SRF: variants seen among roughly 807,000 people sequenced by gnomAD.
SRF encodes c-fos serum response element-binding transcription factor.
SRF carries 7 observed loss-of-function variants against 37.1 expected under a neutral mutation model. That is an observed-to-expected ratio of 0.19 (90% CI 0.11 to 0.35). The LOEUF (loss-of-function observed/expected upper bound fraction) is 0.35. Among genes scored for constraint, SRF ranks in the 10% least tolerant of loss-of-function variants. SRF has a pLI of 1.00. For missense variants in SRF, 395 were observed against 694.4 expected, an observed-to-expected ratio of 0.57 and a Z score of 4.85; for synonymous variants, 285 against 310.1, an observed-to-expected ratio of 0.92 and a Z score of 0.85.
chr6:43,178,979 GC>G lies in SRF; in HGVS notation c.1431+99del. 1 of 1,565,558 alleles carries G rather than the reference GC, an allele frequency of 6.4e-7. No homozygotes were observed. Among genetic ancestry groups the G allele is most frequent in the Non-Finnish European group, 8.8e-7 (1 of 1,136,570 alleles). On this transcript the variant is annotated intron_variant, in intron 6 of 6. Coordinates refer to ENST00000265354, the MANE Select transcript of SRF (RefSeq NM_003131.4). The surrounding 1 kb of genome is among the most constrained non-coding windows in gnomAD (Gnocchi z 4.3). Reference sequence around the variant, plus strand: ...CAGTTCATCAAAGCCAAAATCCCTAGCCTGGAAGCCCATCTGCTTTTCTGCT... The same window carrying G: ...CAGTTCATCAAAGCCAAAATCCCTAGCTGGAAGCCCATCTGCTTTTCTGCT...
In SRF at chr6:43,173,838, A is replaced by G. The variant is rs1772149972; in HGVS notation, c.514-9A>G. 3 of 1,608,980 alleles carry G rather than the reference A, an allele frequency of 1.9e-6. No individual in the cohort carries two copies. In the South Asian group the frequency reaches 3.3e-5, roughly 18 times the overall value. On this transcript the variant is annotated splice_polypyrimidine_tract_variant and intron_variant, in intron 1 of 6. Coordinates refer to ENST00000265354, the MANE Select transcript of SRF (RefSeq NM_003131.4). This position sits in a 1 kb window ranked among gnomAD's most constrained non-coding sequence, Gnocchi z 4.2. ...TGCTGACCTGCCCATCTCCCTCCTC[A>G]CCCCTCAGGCCTATGAGCTGTCCAC...
At position 43,171,482 on chromosome 6, in the gene SRF, A is replaced by G; in HGVS notation, c.-175A>G. ...CCCGGGCCACAGGGGCAGGAAAGTG[A>G]GGGCCCAGGTCGGCCCGGGCGTGCA... On this transcript the variant is annotated 5_prime_UTR_variant, in exon 1 of 7. Coordinates refer to ENST00000265354, the MANE Select transcript of SRF (RefSeq NM_003131.4). This position sits in a 1 kb window ranked among gnomAD's most constrained non-coding sequence, Gnocchi z 6.5. The G allele has an allele frequency of 1.7e-6, 1 of 590,528 alleles. No individual in the cohort carries two copies. Among genetic ancestry groups the G allele is most frequent in the Non-Finnish European group, 2.4e-6 (1 of 423,252 alleles). The allele number at this position is 590,528 out of a possible 1,614,324, so 36.6% of individuals were successfully genotyped here.
intron 2 of SRF, among the ~76,000 whole-genome samples, chr6:43,174,711 C>T (rs959721928): frequency 2.6e-5 from 4 of 152,356 alleles, no homozygotes; most frequent in Non-Finnish European, 5.9e-5. Context: ...TTCCGGGTGG[C>T]ACTTAACTGA....
intron 2 of SRF, among the ~76,000 whole-genome samples, chr6:43,174,687 T>C (rs983311867): frequency 6.6e-6 from 1 of 152,208 alleles, no homozygotes; most frequent in African/African-American, 2.4e-5. Flanking sequence ...CCTTGCTGTC[T>C]GGGGAGCTCC....
chr6:43,173,174 G>C lies in SRF; in HGVS notation c.514-673G>C, dbSNP rs953078206. 6.6e-6 allele frequency among the ~76,000 whole-genome samples: 1 copy of C among 152,146 alleles called. No individual in the cohort carries two copies. Among genetic ancestry groups the C allele is most frequent in the Non-Finnish European group, 1.5e-5 (1 of 68,024 alleles). On this transcript the variant is annotated intron_variant, in intron 1 of 6. Transcript: ENST00000265354. The surrounding 1 kb of genome is among the most constrained non-coding windows in gnomAD (Gnocchi z 4.2). ...TCCTGGGCTCATGGCAGGATGTTTA[G>C]TGCTAATCTAGGTCTCGTCTCCCAT...
Position 43,178,924 on chromosome 6 carries a change from C to T in SRF, c.1431+42C>T. The T allele has an allele frequency of 3.7e-6, 6 of 1,605,046 alleles. No individual in the cohort carries two copies. Among genetic ancestry groups the T allele is most frequent in the Non-Finnish European group, 5.1e-6 (6 of 1,171,746 alleles). On this transcript the variant is annotated intron_variant, in intron 6 of 6. Transcript: ENST00000265354. The surrounding 1 kb of genome is among the most constrained non-coding windows in gnomAD (Gnocchi z 4.3). ...TTCACCCCATCCCAGATAGCCACTTCTTTGTCTTGACCTTAGGGGATCCTG... is the reference window on the plus strand; with the variant it reads ...TTCACCCCATCCCAGATAGCCACTTTTTTGTCTTGACCTTAGGGGATCCTG...
In SRF at chr6:43,178,461, T is replaced by C. The variant is rs759259114; in HGVS notation, c.1330T>C (p.Ser444Pro). Residue 444 changes from serine to proline, a missense_variant, in exon 5 of 7, where the codon TCA becomes CCA. This residue lies in a region of SRF where 232 missense variants were observed against 335.6 expected (regional missense o/e 0.69). Transcript: ENST00000265354. The surrounding 1 kb of genome is among the most constrained non-coding windows in gnomAD (Gnocchi z 4.3). ...CCAGGCACCATCCACCATGCAGGTG[T>C]CACACAGCCAGGTCCAGGAGCCAGG... ...FSQAPSTMQV[S>P]HSQVQEPGGV... The C allele has an allele frequency of 6.8e-6, 11 of 1,613,534 alleles. No individual in the cohort carries two copies. The South Asian group carries it at 1.2e-4, about 18-fold the overall frequency.
rs1296069919 is a variant in SRF at position 43,179,458 on chromosome 6, C to T, written c.*268C>T. On this transcript the variant is annotated 3_prime_UTR_variant, in exon 7 of 7. Coordinates refer to ENST00000265354, the MANE Select transcript of SRF (RefSeq NM_003131.4). The surrounding 1 kb of genome is among the most constrained non-coding windows in gnomAD (Gnocchi z 5.3). ...GTCCTCCTTCCTGGGACCCCCTCGC[C>T]AGCTTGGCTCGATGTTTGCCATGAG... 6 of 516,082 alleles carry T rather than the reference C, an allele frequency of 1.2e-5. No homozygotes were observed. Among genetic ancestry groups the T allele is most frequent in the Non-Finnish European group, 2.1e-5 (6 of 282,624 alleles). 32.0% of individuals were successfully genotyped at this position (516,082 alleles called of 1,614,324 possible). A position where few individuals can be genotyped will look rare whatever the true frequency, so the allele number is the denominator to read the frequency against.
chr6:43,176,434 G>T lies in SRF; in HGVS notation c.1043-114G>T. 2.7e-6 allele frequency: 4 copies of T among 1,501,320 alleles called. No individual in the cohort carries two copies. Among genetic ancestry groups the T allele is most frequent in the Non-Finnish European group, 3.6e-6 (4 of 1,103,802 alleles). The allele number at this position is 1,501,320 out of a possible 1,614,324, so 93.0% of individuals were successfully genotyped here. On this transcript the variant is annotated intron_variant, in intron 3 of 6. Coordinates refer to ENST00000265354, the MANE Select transcript of SRF (RefSeq NM_003131.4). This position sits in a 1 kb window ranked among gnomAD's most constrained non-coding sequence, Gnocchi z 4.0. ...GCCTCTTTGGCTTCCAGGAAAGATA[G>T]TGATGGGAGTTGGAGACCAGTGTGC... is the stretch of plus-strand genomic sequence containing the variant.
rs1450336523 is a variant in SRF at position 43,176,474 on chromosome 6, G to A, written c.1043-74G>A. 1 of 1,586,874 alleles carries A rather than the reference G, an allele frequency of 6.3e-7. No individual in the cohort carries two copies. The highest frequency in any genetic ancestry group is 1.3e-5 in the African/African-American group (1 of 74,488). On this transcript the variant is annotated intron_variant, in intron 3 of 6. Transcript: ENST00000265354. The surrounding 1 kb of genome is among the most constrained non-coding windows in gnomAD (Gnocchi z 4.0). Reference sequence around the variant, plus strand: ...GACCAGTGTGCCAGACCCTGGGACTGGGGTGTCCATGGGTACTTGGTGGAG... The same window carrying A: ...GACCAGTGTGCCAGACCCTGGGACTAGGGTGTCCATGGGTACTTGGTGGAG...
rs1772202020 is a variant in SRF, at chr6:43,176,588, A to G, written c.1083A>G (p.Gln361=). The G allele has an allele frequency of 6.2e-7, 1 of 1,614,148 alleles. No individual in the cohort carries two copies. The highest frequency in any genetic ancestry group is 2.2e-5 in the East Asian group (1 of 44,882). Reference sequence around the variant, plus strand: ...AGCAGGTCCCAGTGCAGGCCATTCAAGTGCACCAGGCCCCACAGCAAGCGT... The same window carrying G: ...AGCAGGTCCCAGTGCAGGCCATTCAGGTGCACCAGGCCCCACAGCAAGCGT... The part of the protein sequence containing the change: ...VAQQVPVQAI[Q]VHQAPQQASP... Residue 361 remains glutamine, a synonymous_variant, in exon 4 of 7, where the codon CAA becomes CAG. Transcript: ENST00000265354. The surrounding 1 kb of genome is among the most constrained non-coding windows in gnomAD (Gnocchi z 4.0).
Position 43,171,429 on chromosome 6 carries a change from A to C in SRF, c.-228A>C. On this transcript the variant is annotated 5_prime_UTR_variant, in exon 1 of 7. Coordinates refer to ENST00000265354, the MANE Select transcript of SRF (RefSeq NM_003131.4). This position sits in a 1 kb window ranked among gnomAD's most constrained non-coding sequence, Gnocchi z 6.5. ...CGGCGCGCCGCCCTAGCAGACGGACAGGGGGCGCTGCGCGCGGCCTGGGGC... is the reference window on the plus strand; with the variant it reads ...CGGCGCGCCGCCCTAGCAGACGGACCGGGGGCGCTGCGCGCGGCCTGGGGC... The C allele has an allele frequency of 3.5e-6, 1 of 286,746 alleles. No homozygotes were observed. Among genetic ancestry groups the C allele is most frequent in the Non-Finnish European group, 6.1e-6 (1 of 163,874 alleles). The allele number at this position is 286,746 out of a possible 1,614,324, so 17.8% of individuals were successfully genotyped here. A position where few individuals can be genotyped will look rare whatever the true frequency, so the allele number is the denominator to read the frequency against.
rs558711788 is a variant in SRF, at chr6:43,176,248, C to T, written c.1042+281C>T. Among the ~76,000 whole-genome samples, 7 of 152,286 alleles carry T rather than the reference C, an allele frequency of 4.6e-5. 1 individual carries two copies. The South Asian group carries it at 1.5e-3, about 32-fold the overall frequency. On this transcript the variant is annotated intron_variant, in intron 3 of 6. Transcript: ENST00000265354. This position sits in a 1 kb window ranked among gnomAD's most constrained non-coding sequence, Gnocchi z 4.0. ...TTGCCACAGGGCAGTAGATGTTTCA[C>T]CACTTCCTGCCTTGACTGGAAGGCA...
rs568709023 is a variant in SRF at position 43,171,803 on chromosome 6, G to T, written c.147G>T (p.Ala49=). ...ANGGRVPGNG[A]GLGPGRLERE... ...GGGGCCGGGTCCCCGGGAATGGCGC[G>T]GGGCTCGGGCCCGGCCGCCTGGAGC... is the stretch of plus-strand genomic sequence containing the variant. The change falls in exon 1 of 7, where the codon GCG becomes GCT. Residue 49 remains alanine (A), a synonymous_variant. Transcript: ENST00000265354. This position sits in a 1 kb window ranked among gnomAD's most constrained non-coding sequence, Gnocchi z 6.5. 15,741 of 1,222,482 alleles carry T rather than the reference G, an allele frequency of 0.013. 148 individuals are homozygous for T. The highest frequency in any genetic ancestry group is 0.014 in the Admixed American group (330 of 23,168). The allele number at this position is 1,222,482 out of a possible 1,614,324, so 75.7% of individuals were successfully genotyped here.
rs1456437827 is a variant in SRF, at chr6:43,176,938, G to A, written c.1162+271G>A. Among the ~76,000 whole-genome samples, 3 of 152,084 alleles carry A rather than the reference G, an allele frequency of 2.0e-5. No homozygotes were observed. The highest frequency in any genetic ancestry group is 4.4e-5 in the Non-Finnish European group (3 of 68,012). ...GGAGCCTGAGGCCTAGAAATAAGAA[G>A]TTACTTGCTCAAAGACACATTTGCT... On this transcript the variant is annotated intron_variant, in intron 4 of 6. Transcript: ENST00000265354. This position sits in a 1 kb window ranked among gnomAD's most constrained non-coding sequence, Gnocchi z 4.0.
chr6:43,176,980 C>T lies in SRF; in HGVS notation c.1162+313C>T, dbSNP rs767812888. Among the ~76,000 whole-genome samples, 1 of 152,126 alleles carries T rather than the reference C, an allele frequency of 6.6e-6. No individual in the cohort carries two copies. Among genetic ancestry groups the T allele is most frequent in the Non-Finnish European group, 1.5e-5 (1 of 68,028 alleles). On this transcript the variant is annotated intron_variant, in intron 4 of 6. Transcript: ENST00000265354. This position sits in a 1 kb window ranked among gnomAD's most constrained non-coding sequence, Gnocchi z 4.0. ...ACATTTGCTTAATTATCAGGAAGGA[C>T]TTAGAGAGCAATTTTCTCTTTGTGC...
Position 43,180,265 on chromosome 6 carries a change from T to G in SRF, c.*1075T>G, listed in dbSNP as rs1772286713. On this transcript the variant is annotated 3_prime_UTR_variant, in exon 7 of 7. Transcript: ENST00000265354. ...GAAGAGGGAGACCAAATGTCGGGGT[T>G]GGGGTGGGAGGGCGTCAGGCAGAGG... 6.8e-6 allele frequency: 1 copy of G among 146,778 alleles called. No individual in the cohort carries two copies. The highest frequency in any genetic ancestry group is 2.5e-5 in the African/African-American group (1 of 40,082). The allele number at this position is 146,778 out of a possible 1,614,324, so 9.1% of individuals were successfully genotyped here.
In SRF at chr6:43,172,772, G is replaced by A. The variant is rs1476161034; in HGVS notation, c.513+603G>A. On this transcript the variant is annotated intron_variant, in intron 1 of 6. Coordinates refer to ENST00000265354, the MANE Select transcript of SRF (RefSeq NM_003131.4). The surrounding 1 kb of genome is among the most constrained non-coding windows in gnomAD (Gnocchi z 5.7). ...CTGCGCCGGCCGTGAGTCTTCCATG[G>A]CATCCACTGGGAACCACATGCTCCT... 6.6e-6 allele frequency among the ~76,000 whole-genome samples: 1 copy of A among 152,132 alleles called. No individual in the cohort carries two copies. Among genetic ancestry groups the A allele is most frequent in the Non-Finnish European group, 1.5e-5 (1 of 68,018 alleles).
rs1772245271 is a variant in SRF, at chr6:43,178,428, G to A, written c.1297G>A (p.Ala433Thr). The A allele has an allele frequency of 2.5e-6, 4 of 1,614,132 alleles. No individual in the cohort carries two copies. Among genetic ancestry groups the A allele is most frequent in the Non-Finnish European group, 3.4e-6 (4 of 1,180,032 alleles). ...LGDGSLTVLN[A>T]FSQAPSTMQV... Reference sequence around the variant, plus strand: ...TGATGGCAGCCTCACCGTGCTGAATGCCTTCTCCCAGGCACCATCCACCAT... The same window carrying A: ...TGATGGCAGCCTCACCGTGCTGAATACCTTCTCCCAGGCACCATCCACCAT... The change falls in exon 5 of 7, where the codon GCC becomes ACC. Residue 433 changes from alanine to threonine, a missense_variant. Transcript: ENST00000265354. The surrounding 1 kb of genome is among the most constrained non-coding windows in gnomAD (Gnocchi z 4.3).
Sources: gnomAD v4.1 joint callset for allele counts (sites outside exome capture counted in the v4.1 genomes callset) on GRCh38, gnomAD v4.1.1 for gene constraint, gnomAD v4.1.1 regional missense constraint, Gnocchi (gnomAD v3.1) non-coding constraint, MANE v1.5 for transcripts, NCBI Gene and HGNC (gene_info 2026-07-23, HGNC 2026-07-21) for gene names.